Variants in EDA observed in about 807,000 individuals in gnomAD.
The protein encoded by EDA is ectodysplasin A, also known as ectodysplasin-A.
A neutral mutation model predicts 23.6 loss-of-function variants in EDA; 2 were observed. The ratio of observed to expected loss-of-function variants is 0.08; its 90% CI spans 0.03 to 0.27. EDA has a LOEUF of 0.27. EDA is among the 10% of genes least tolerant of loss of function. EDA has a pLI of 1.00. For synonymous variants in EDA, 131 were observed against 132.0 expected, an observed-to-expected ratio of 0.99 and a Z score of 0.05; for missense variants, 229 against 324.2, an observed-to-expected ratio of 0.71 and a Z score of 2.26.
chrX:69,997,756 G>A (rs909635658), intron 2 of EDA, among the ~76,000 whole-genome samples: 14 of 112,156 alleles, frequency 1.2e-4, no homozygotes, highest in Admixed American at 5.6e-4. Flanking sequence ...GGTGCCCTGC[G>A]TCCCAGCCAC....
At chrX:69,724,528 G>A (rs892977921) in intron 1 of EDA, among the ~76,000 whole-genome samples, 5 of 111,739 alleles carry the variant, frequency 4.5e-5, no homozygotes, top group African/African-American at 9.7e-5. Context: ...AAGCTTGAGA[G>A]TGCTAGAAAT....
intron 1 of EDA, among the ~76,000 whole-genome samples, chrX:69,672,876 C>T (rs1337868150): frequency 3.2e-5 from 3 of 92,631 alleles, no homozygotes; most frequent in Non-Finnish European, 6.4e-5. Flanking sequence ...AGTGAGACAA[C>T]GTCTCAAAAA....
At chrX:69,716,530 C>A (rs1478355132) in intron 1 of EDA, among the ~76,000 whole-genome samples, 3 of 107,866 alleles carry the variant, frequency 2.8e-5, no homozygotes, top group African/African-American at 6.8e-5. Context: ...TTTTTTTTTC[C>A]TTAGGATTGC....
chrX:69,955,076 G>C (rs1356844791), intron 1 of EDA, among the ~76,000 whole-genome samples: 1 of 111,999 alleles, frequency 8.9e-6, no homozygotes, highest in Non-Finnish European at 1.9e-5. Flanking sequence ...TTCTATCCAG[G>C]ATGACTTGTA....
intron 1 of EDA, among the ~76,000 whole-genome samples, chrX:69,736,833 G>A (rs541543698): frequency 3.8e-5 from 4 of 104,259 alleles, no homozygotes; most frequent in African/African-American, 7.1e-5. Flanking sequence ...GTACAGTGGC[G>A]CGATCTTGGC....
chrX:69,685,742 C>T (rs1340928990), intron 1 of EDA, among the ~76,000 whole-genome samples: 5 of 111,700 alleles, frequency 4.5e-5, no homozygotes, highest in Non-Finnish European at 9.4e-5. Context: ...GTTCCTAATG[C>T]AGATTAAGAG....
intron 1 of EDA, among the ~76,000 whole-genome samples, chrX:69,773,424 A>G (rs773874813): frequency 6.7e-4 from 75 of 111,693 alleles, no homozygotes; most frequent in Non-Finnish European, 1.1e-3. Flanking sequence ...TTGGCGATAT[A>G]CCTAGAAGTG....
chrX:70,030,881 A>T (rs2147513356), intron 6 of EDA, among the ~76,000 whole-genome samples: 1 of 104,886 alleles, frequency 9.5e-6, no homozygotes, highest in East Asian at 3.0e-4. Context: ...ATGTAAAATT[A>T]AATTTTTCTT....
At chrX:69,633,202 CA>C (rs1932670754) in intron 1 of EDA, among the ~76,000 whole-genome samples, 1 of 111,705 alleles carries the variant, frequency 9.0e-6, no homozygotes, top group Non-Finnish European at 1.9e-5. Context: ...ACTTATCTGT[CA>C]AGTCCTTTAT....
intron 2 of EDA, among the ~76,000 whole-genome samples, chrX:69,968,601 A>G (rs1353399633): frequency 1.8e-5 from 2 of 111,589 alleles, no homozygotes; most frequent in African/African-American, 3.3e-5. Flanking sequence ...CTACCTCACT[A>G]TTTCTCTCCG....
chrX:69,734,189 T>C lies in EDA; in HGVS notation c.396+117485T>C, dbSNP rs181483385. Among the ~76,000 whole-genome samples, 19 of 111,643 alleles carry C rather than the reference T, an allele frequency of 1.7e-4. No individual in the cohort carries two copies. In the South Asian group the frequency reaches 3.7e-3, roughly 22 times the overall value. Reference sequence around the variant, plus strand: ...TTTATAATTTGTGTCTCTCAAGAAATTTGTCCATTTGTCTGAGTTGTCAAA... The same window carrying C: ...TTTATAATTTGTGTCTCTCAAGAAACTTGTCCATTTGTCTGAGTTGTCAAA... On this transcript the variant is annotated intron_variant, in intron 1 of 7. Transcript: ENST00000374552.
At chrX:70,007,488 G>A (rs754887218) in intron 2 of EDA, among the ~76,000 whole-genome samples, 48 of 111,445 alleles carry the variant, frequency 4.3e-4, no homozygotes, top group Admixed American at 1.3e-3. Context: ...CACTCCTTTC[G>A]CCTGCCTCCA....
intron 1 of EDA, among the ~76,000 whole-genome samples, chrX:69,923,597 A>G (rs1410658345): frequency 8.9e-6 from 1 of 112,215 alleles, no homozygotes; most frequent in East Asian, 2.8e-4. Context: ...TGCAATAAAC[A>G]TACATGTGCA....
At chrX:69,831,842 T>C (rs1361341919) in intron 1 of EDA, among the ~76,000 whole-genome samples, 1 of 112,738 alleles carries the variant, frequency 8.9e-6, no homozygotes, top group Non-Finnish European at 1.9e-5. Flanking sequence ...ATGTCCTCTT[T>C]TGAGAAGTGT....
intron 1 of EDA, among the ~76,000 whole-genome samples, chrX:69,801,251 A>G (rs766000560): frequency 9.1e-6 from 1 of 110,256 alleles, no homozygotes; most frequent in Admixed American, 9.7e-5. Flanking sequence ...CATGATCAGG[A>G]CTCAGTGCAG....
chrX:69,690,000 A>G (rs770096654), intron 1 of EDA, among the ~76,000 whole-genome samples: 1 of 111,567 alleles, frequency 9.0e-6, no homozygotes, highest in African/African-American at 3.3e-5. Context: ...CTAATTTTTA[A>G]TATTGACCTT....
intron 1 of EDA, among the ~76,000 whole-genome samples, chrX:69,797,789 A>G (rs1243718265): frequency 8.9e-6 from 1 of 112,115 alleles, no homozygotes; most frequent in East Asian, 2.8e-4. Context: ...AAAAATAACA[A>G]TATGCCAGAA....
At chrX:69,664,941 A>G (rs1933632633) in intron 1 of EDA, among the ~76,000 whole-genome samples, 1 of 111,690 alleles carries the variant, frequency 9.0e-6, no homozygotes, top group African/African-American at 3.3e-5. Flanking sequence ...AGTGTACAAG[A>G]GTTCTCTTTT....
rs1272469708 is a variant in EDA at position 70,035,815 on chromosome X, T to C, written c.*206T>C. The C allele has an allele frequency of 1.7e-5, 8 of 463,404 alleles. No individual in the cohort carries two copies. The highest frequency in any genetic ancestry group is 2.2e-5 in the Non-Finnish European group (6 of 275,015). The allele number at this position is 463,404 out of a possible 1,213,427, so 38.2% of individuals were successfully genotyped here. On this transcript the variant is annotated 3_prime_UTR_variant, in exon 8 of 8. Coordinates refer to ENST00000374552, the MANE Select transcript of EDA (RefSeq NM_001399.5). ...GACCTTGAGTTAACAGGACAGTTGA[T>C]GGAGCCCCAGGGTTTACATGAAGCA...
Sources: gnomAD v4.1 joint callset for allele counts (sites outside exome capture counted in the v4.1 genomes callset) on GRCh38, gnomAD v4.1.1 for gene constraint, MANE v1.5 for transcripts, NCBI Gene and HGNC (gene_info 2026-07-23, HGNC 2026-07-21) for gene names.